TANC1: variants seen among roughly 807,000 people sequenced by gnomAD.
TANC1 encodes the protein tetratricopeptide repeat, ankyrin repeat and coiled-coil containing 1.
A neutral mutation model predicts 149.7 loss-of-function variants in TANC1; 77 were observed. That is an observed-to-expected ratio of 0.51 (90% CI 0.43 to 0.62). TANC1 has a LOEUF of 0.62. TANC1 is among the 20% of genes least tolerant of loss of function. The pLI is 0.00. For synonymous variants in TANC1, 854 were observed against 925.0 expected (o/e 0.92, Z 1.39); for missense variants, 1,985 against 2,321.8 (o/e 0.85, Z 2.98).
chr2:158,988,049 G>A (rs183058236), intron 1 of TANC1, among the ~76,000 whole-genome samples: 6 of 152,212 alleles, frequency 3.9e-5, no homozygotes, highest in Admixed American at 6.5e-5. Flanking sequence ...GTGGCCGGGC[G>A]TGGTGGCTCA....
chr2:159,003,207 G>A (rs1165929014), intron 2 of TANC1, among the ~76,000 whole-genome samples: 2 of 152,200 alleles, frequency 1.3e-5, no homozygotes, highest in Non-Finnish European at 2.9e-5. Context: ...CAGATTGATT[G>A]TTTTACTGTC....
intron 1 of TANC1, among the ~76,000 whole-genome samples, chr2:158,989,248 C>G (rs1559105654): frequency 6.6e-6 from 1 of 152,038 alleles, no homozygotes; most frequent in Non-Finnish European, 1.5e-5. Flanking sequence ...GTCGCTCATG[C>G]CTATAATTTC....
At chr2:159,175,517 C>T (rs1338776336) in intron 12 of TANC1, among the ~76,000 whole-genome samples, 2 of 152,196 alleles carry the variant, frequency 1.3e-5, no homozygotes, top group Non-Finnish European at 2.9e-5. Context: ...TCCTAAGTAT[C>T]TGAGGGAATA....
chr2:159,032,266 C>A (rs2039843700), intron 2 of TANC1, among the ~76,000 whole-genome samples: 1 of 152,188 alleles, frequency 6.6e-6, no homozygotes, highest in Non-Finnish European at 1.5e-5. Flanking sequence ...ATCAGAATGG[C>A]AGTGCTTTTG....
At chr2:159,186,295 G>T (rs1210432315) in intron 15 of TANC1, among the ~76,000 whole-genome samples, 1 of 152,150 alleles carries the variant, frequency 6.6e-6, no homozygotes, top group East Asian at 1.9e-4. Flanking sequence ...GACTGTGTTT[G>T]CCCAGGCTGG....
intron 19 of TANC1, among the ~76,000 whole-genome samples, chr2:159,202,319 C>A (rs1269794769): frequency 1.3e-5 from 2 of 152,102 alleles, no homozygotes; most frequent in Non-Finnish European, 2.9e-5. Context: ...AGAAAATGTA[C>A]AATAGAATTT....
chr2:159,182,875 C>T (rs1350077934), intron 14 of TANC1, among the ~76,000 whole-genome samples: 2 of 152,238 alleles, frequency 1.3e-5, no homozygotes, highest in Non-Finnish European at 2.9e-5. Context: ...CCCCTATTAG[C>T]TCTGTTCTCT....
At chr2:159,126,597 A>G (rs2049476852) in intron 4 of TANC1, among the ~76,000 whole-genome samples, 1 of 152,246 alleles carries the variant, frequency 6.6e-6, no homozygotes, top group South Asian at 2.1e-4. Flanking sequence ...TTGGTTGGTG[A>G]TAAGGATAGC....
Position 159,217,448 on chromosome 2 carries a change from G to C in TANC1, c.3245-49G>C, listed in dbSNP as rs377243446. ...ACTGTTAAAGAATTTCTGGCTATCT[G>C]TGCTCCACCACATGCTAACAGATTC... On this transcript the variant is annotated intron_variant, in intron 19 of 26. Transcript: ENST00000263635. The C allele has an allele frequency of 2.6e-5, 42 of 1,611,148 alleles. No homozygotes were observed. In the African/African-American group the frequency reaches 4.4e-4, roughly 17 times the overall value.
chr2:159,102,982 T>G lies in TANC1; in HGVS notation c.259+5148T>G, dbSNP rs1212669898. Among the ~76,000 whole-genome samples the G allele has an allele frequency of 2.2e-5, 2 of 92,718 alleles. 1 individual carries two copies. Among genetic ancestry groups the G allele is most frequent in the African/African-American group, 6.0e-5 (2 of 33,502 alleles). 60.8% of individuals were successfully genotyped at this position (92,718 alleles called of 152,430 possible). ...ATCCGCCCACCTTGGCCTCCCAGAGTGCTGGGATTACAGGCATGAGCCACC... is the reference window on the plus strand; with the variant it reads ...ATCCGCCCACCTTGGCCTCCCAGAGGGCTGGGATTACAGGCATGAGCCACC... On this transcript the variant is annotated intron_variant, in intron 4 of 26. Transcript: ENST00000263635.
chr2:159,035,210 T>G (rs1214646390), intron 2 of TANC1, among the ~76,000 whole-genome samples: 1 of 152,214 alleles, frequency 6.6e-6, no homozygotes, highest in Non-Finnish European at 1.5e-5. Context: ...TATGAAGTTT[T>G]TTTTTGAAGG....
rs111478250 is a variant in TANC1 at position 159,106,140 on chromosome 2, A to G, written c.259+8306A>G. ...TTTATTGAGATATAATTTACATACCACATAATTCACCCATTTAAAGTTTAC... is the reference window on the plus strand; with the variant it reads ...TTTATTGAGATATAATTTACATACCGCATAATTCACCCATTTAAAGTTTAC... On this transcript the variant is annotated intron_variant, in intron 4 of 26. Transcript: ENST00000263635. 7.8e-3 allele frequency among the ~76,000 whole-genome samples: 1,187 copies of G among 152,274 alleles called. 11 individuals carry two copies. The highest frequency in any genetic ancestry group is 0.027 in the African/African-American group (1,120 of 41,548).
chr2:159,075,020 A>G (rs375814545), intron 3 of TANC1, among the ~76,000 whole-genome samples: 7 of 152,108 alleles, frequency 4.6e-5, no homozygotes, highest in African/African-American at 1.7e-4. Flanking sequence ...ATACTGTCAC[A>G]TTGGGAGTTA....
rs201288512 is a variant in TANC1 at position 159,182,045 on chromosome 2, C to CA, written c.2510+2890dup. On this transcript the variant is annotated intron_variant, in intron 14 of 26. Coordinates refer to ENST00000263635, the MANE Select transcript of TANC1 (RefSeq NM_033394.3). Reference sequence around the variant, plus strand: ...GTGAACCCAGTCTCTACTAAAAATACAAAAAAAAGAAAAATTAGCCGGGTG... The same window carrying CA: ...GTGAACCCAGTCTCTACTAAAAATACAAAAAAAAAGAAAAATTAGCCGGGTG... 6.9e-3 allele frequency among the ~76,000 whole-genome samples: 1,038 copies of CA among 151,316 alleles called. 7 individuals carry two copies. The highest frequency in any genetic ancestry group is 0.017 in the Middle Eastern group (5 of 294).
chr2:159,058,457 A>G (rs2042009265), intron 2 of TANC1, among the ~76,000 whole-genome samples: 1 of 77,872 alleles, frequency 1.3e-5, no homozygotes, highest in African/African-American at 4.4e-5. Flanking sequence ...CCACTCATTT[A>G]AAGACTTTTT....
intron 19 of TANC1, among the ~76,000 whole-genome samples, chr2:159,214,943 A>C (rs1163460047): frequency 1.3e-5 from 2 of 152,176 alleles, no homozygotes; most frequent in Non-Finnish European, 2.9e-5. Context: ...GAACATTCGG[A>C]ATCAGCCAGG....
At chr2:159,065,777 G>A in intron 2 of TANC1, 119 bp from the exon 3 acceptor site, 1 of 688,676 alleles carries the variant, frequency 1.5e-6, no homozygotes, top group Non-Finnish European at 2.5e-6. Context: ...AAGGCTTAGG[G>A]TACCTTAATA....
rs1414299962 is a variant in TANC1, at chr2:159,065,982, A to G, written c.61+11A>G. 6.2e-7 allele frequency: 1 copy of G among 1,606,364 alleles called. No homozygotes were observed. The highest frequency in any genetic ancestry group is 1.7e-5 in the Admixed American group (1 of 60,018). On this transcript the variant is annotated intron_variant, in intron 3 of 26. Coordinates refer to ENST00000263635, the MANE Select transcript of TANC1 (RefSeq NM_033394.3). ...GCAAGAAGGAAGCAGGTATGTGTGCAAGAATGAGAAGCTCAGCCATGGACA... is the reference window on the plus strand; with the variant it reads ...GCAAGAAGGAAGCAGGTATGTGTGCGAGAATGAGAAGCTCAGCCATGGACA...
chr2:159,225,077 A>C (rs2059934312), intron 23 of TANC1: 1 of 160,222 alleles, frequency 6.2e-6, no homozygotes, highest in African/African-American at 2.4e-5. Flanking sequence ...TGAAAGTCTC[A>C]GTGACAATCC....
Sources: gnomAD v4.1 joint callset for allele counts (sites outside exome capture counted in the v4.1 genomes callset) on GRCh38, gnomAD v4.1.1 for gene constraint, MANE v1.5 for transcripts, NCBI Gene and HGNC (gene_info 2026-07-23, HGNC 2026-07-21) for gene names.